MYOF: variants seen among roughly 807,000 people sequenced by gnomAD.
MYOF encodes fer-1-like 3, myoferlin.
MYOF carries 244 observed loss-of-function variants against 284.2 expected under a neutral mutation model. The observed-to-expected ratio is 0.86, with a 90% confidence interval of 0.77 to 0.95. MYOF has a LOEUF of 0.95. Among genes scored for constraint, MYOF ranks in the 40% least tolerant of loss-of-function variants. The pLI is 0.00. For missense variants in MYOF, 2,496 were observed against 2,560.6 expected (o/e 0.97, Z 0.54); for synonymous variants, 904 against 919.7 (o/e 0.98, Z 0.31).
chr10:93,469,613 C>T (rs965424905), intron 1 of MYOF, among the ~76,000 whole-genome samples: 2 of 152,198 alleles, frequency 1.3e-5, no homozygotes, highest in Non-Finnish European at 2.9e-5. Flanking sequence ...TGACCAGATG[C>T]CCTCAGGGCT....
At position 93,426,168 on chromosome 10, in the gene MYOF, A is replaced by C; in HGVS notation, c.346-10T>G. On this transcript the variant is annotated splice_polypyrimidine_tract_variant and intron_variant, in intron 4 of 53. Transcript: ENST00000359263. ...CCAAGTCAATGGTGGCCTGGGTAGAAATAATTCGTTGCAAATATTATCAGT... is the reference window on the plus strand; with the variant it reads ...CCAAGTCAATGGTGGCCTGGGTAGACATAATTCGTTGCAAATATTATCAGT... 6.4e-7 allele frequency: 1 copy of C among 1,553,506 alleles called. No individual in the cohort carries two copies.
intron 34 of MYOF, 32 bp downstream of exon 34, chr10:93,351,381 C>G (rs1266875688): frequency 6.2e-7 from 1 of 1,611,470 alleles, no homozygotes; most frequent in Non-Finnish European, 8.5e-7. Flanking sequence ...AAGCAGCTGA[C>G]AGAATACATG....
chr10:93,359,454 A>C (rs1019501652), intron 29 of MYOF, among the ~76,000 whole-genome samples: 1 of 152,224 alleles, frequency 6.6e-6, no homozygotes, highest in African/African-American at 2.4e-5. Context: ...CAGGGTTTGA[A>C]TCTTTACACA....
intron 3 of MYOF, among the ~76,000 whole-genome samples, chr10:93,442,088 A>G (rs1589575780): frequency 6.6e-6 from 1 of 151,542 alleles, no homozygotes; most frequent in South Asian, 2.1e-4. Context: ...GGATTTTAAC[A>G]TACCTATGTA....
intron 29 of MYOF, among the ~76,000 whole-genome samples, chr10:93,358,559 T>C (rs758766724): frequency 1.6e-4 from 24 of 152,150 alleles, no homozygotes; most frequent in Non-Finnish European, 2.8e-4. Flanking sequence ...CAAATGTCCA[T>C]CAATGATAGA....
chr10:93,471,189 C>T (rs1231868935), intron 1 of MYOF, among the ~76,000 whole-genome samples: 1 of 152,192 alleles, frequency 6.6e-6, no homozygotes, highest in Non-Finnish European at 1.5e-5. Flanking sequence ...ATGGCTCAAA[C>T]TTGACTATCA....
chr10:93,308,821 C>T (rs1268147190), intron 53 of MYOF, among the ~76,000 whole-genome samples: 3 of 151,970 alleles, frequency 2.0e-5, no homozygotes, highest in African/African-American at 7.2e-5. Context: ...AAGCAATTAT[C>T]CTATCTTAGC....
At chr10:93,378,693 G>GTGTGTGTGTGTATATATA in intron 21 of MYOF, among the ~76,000 whole-genome samples, 7 of 87,882 alleles carry the variant, frequency 8.0e-5, no homozygotes, top group African/African-American at 3.4e-4. Flanking sequence ...GTGTGTGTGT[G>GTGTGTGTGTGTATATATA]TATATATATA....
intron 38 of MYOF, among the ~76,000 whole-genome samples, chr10:93,342,184 A>G (rs1843954329): frequency 6.6e-6 from 1 of 152,234 alleles, no homozygotes; most frequent in African/African-American, 2.4e-5. Context: ...AGCCCCCAGC[A>G]ACAGCATAGT....
In MYOF at chr10:93,393,557, G is replaced by C. The variant is rs17108615; in HGVS notation, c.1418-602C>G. 5.3e-3 allele frequency among the ~76,000 whole-genome samples: 812 copies of C among 152,296 alleles called. 8 individuals carry two copies. Among genetic ancestry groups the C allele is most frequent in the African/African-American group, 0.018 (765 of 41,564 alleles). On this transcript the variant is annotated intron_variant, in intron 16 of 53. Coordinates refer to ENST00000359263, the MANE Select transcript of MYOF (RefSeq NM_013451.4). ...TAGTTCTTCTGGATGTTACCACCAT[G>C]TCACTAAGCAAAATGCTTATGCCAC... is the stretch of plus-strand genomic sequence containing the variant.
chr10:93,368,093 A>G (rs1845411706), intron 25 of MYOF, among the ~76,000 whole-genome samples: 1 of 152,118 alleles, frequency 6.6e-6, no homozygotes, highest in African/African-American at 2.4e-5. Flanking sequence ...ACCCAGCCAC[A>G]GAGCTGGAGG....
chr10:93,347,928 G>A (rs974456865), intron 36 of MYOF, 146 bp from the exon 37 acceptor site: 1 of 806,086 alleles, frequency 1.2e-6, no homozygotes, highest in Non-Finnish European at 1.9e-6. Flanking sequence ...GCCAGGCAAG[G>A]AGCTCCGTGC....
intron 41 of MYOF, among the ~76,000 whole-genome samples, chr10:93,334,510 T>A (rs1042533861): frequency 2.6e-5 from 4 of 152,198 alleles, no homozygotes; most frequent in African/African-American, 4.8e-5. Context: ...GACTGTGGGC[T>A]TCTAGAGACG....
chr10:93,451,372 T>C (rs1417425755), intron 3 of MYOF, among the ~76,000 whole-genome samples: 1 of 151,992 alleles, frequency 6.6e-6, no homozygotes, highest in African/African-American at 2.4e-5. Context: ...CTTGGTTAGT[T>C]TGAATTGGTA....
intron 49 of MYOF, among the ~76,000 whole-genome samples, chr10:93,319,088 G>A (rs1842744382): frequency 6.6e-6 from 1 of 152,174 alleles, no homozygotes; most frequent in African/African-American, 2.4e-5. Context: ...GGCAACAATG[G>A]TTGGTTCAGG....
At chr10:93,420,003 G>A (rs546825591) in intron 5 of MYOF, among the ~76,000 whole-genome samples, 11 of 152,120 alleles carry the variant, frequency 7.2e-5, no homozygotes, top group South Asian at 4.2e-4. Flanking sequence ...CGTGGTGGCC[G>A]GTGCCTGTAA....
In MYOF at chr10:93,377,361, C is replaced by T. The variant is rs761194362; in HGVS notation, c.2070G>A (p.Leu690=). Residue 690 remains leucine, a synonymous_variant, in exon 22 of 54, where the codon TTG becomes TTA. Transcript: ENST00000359263. Reference sequence around the variant, plus strand: ...TAACTTCATCTATCAGCTTCAGCCACAATTCAGCCAGCTGGTTTGCAGGAA... The same window carrying T: ...TAACTTCATCTATCAGCTTCAGCCATAATTCAGCCAGCTGGTTTGCAGGAA... ...GKIPANQLAE[L]WLKLIDEVIE... is the part of the protein sequence containing the mutation. The T allele has an allele frequency of 1.9e-6, 3 of 1,614,026 alleles. No individual in the cohort carries two copies. The African/African-American group carries it at 4.0e-5, about 22-fold the overall frequency.
At chr10:93,425,718 C>A (rs950054522) in intron 5 of MYOF, 1 of 264,126 alleles carries the variant, frequency 3.8e-6, no homozygotes, top group Non-Finnish European at 7.3e-6. Flanking sequence ...CAGAGGAGAG[C>A]AGAGGGGCCA....
chr10:93,401,264 C>G (rs1029771979), intron 12 of MYOF, among the ~76,000 whole-genome samples, 154 bp downstream of exon 12: 2 of 152,156 alleles, frequency 1.3e-5, no homozygotes, highest in African/African-American at 4.8e-5. Context: ...AGGTAGCTTT[C>G]AACTGGGCCA....
Sources: allele counts gnomAD v4.1 joint callset (sites outside exome capture counted in the v4.1 genomes callset), GRCh38; gene constraint gnomAD v4.1.1; transcripts MANE v1.5; gene names NCBI Gene and HGNC (gene_info 2026-07-23, HGNC 2026-07-21).